The following FER variants were observed in gnomAD, a reference collection of about 807,000 sequenced individuals.
FER encodes the protein FER tyrosine kinase.
FER carries 63 observed loss-of-function variants against 111.0 expected under a neutral mutation model. That is an observed-to-expected ratio of 0.57 (90% CI 0.46 to 0.70). The LOEUF (loss-of-function observed/expected upper bound fraction) is 0.70, where lower values mean the gene tolerates loss of function less well. FER is among the 30% of genes least tolerant of loss of function. FER has a pLI of 0.00. For missense variants in FER, 914 were observed against 954.0 expected (o/e 0.96, Z 0.55); for synonymous variants, 327 against 313.9 (o/e 1.04, Z -0.44).
chr5:108,872,000 G>A (rs1764646785), intron 7 of FER, 93 bp from the exon 8 acceptor site: 4 of 1,252,050 alleles, frequency 3.2e-6, no homozygotes, highest in Admixed American at 3.0e-5. Flanking sequence ...ACATAATTTT[G>A]GATAAAAACA....
chr5:109,157,046 A>G (rs1283056116), intron 17 of FER, among the ~76,000 whole-genome samples: 1 of 152,104 alleles, frequency 6.6e-6, no homozygotes, highest in Non-Finnish European at 1.5e-5. Context: ...TATTTCTCCT[A>G]GGCCATAAAT....
Position 108,836,021 on chromosome 5 carries a change from C to A in FER, c.481+214C>A, listed in dbSNP as rs142880154. The A allele has an allele frequency of 9.1e-4, 251 of 274,584 alleles. 2 individuals are homozygous for A. The highest frequency in any genetic ancestry group is 5.4e-3 in the African/African-American group (242 of 44,660). 17.0% of individuals were successfully genotyped at this position (274,584 alleles called of 1,614,324 possible). A position where few individuals can be genotyped will look rare whatever the true frequency, so the allele number is the denominator to read the frequency against. On this transcript the variant is annotated intron_variant, in intron 5 of 19. Transcript: ENST00000281092. ...TCAAAGTATTTTCGAATAGTTCATA[C>A]TAAATGGAATTATGTAGCATGTGTA...
intron 5 of FER, among the ~76,000 whole-genome samples, chr5:108,857,862 G>T (rs1283199795): frequency 6.6e-6 from 1 of 152,094 alleles, no homozygotes; most frequent in Non-Finnish European, 1.5e-5. Context: ...CTTCAAACTG[G>T]CTCCTCTGTC....
Position 109,195,142 on chromosome 5 carries a change from C to T in FER, c.*7567C>T, listed in dbSNP as rs1759650758. On this transcript the variant is annotated 3_prime_UTR_variant, in exon 20 of 20. Coordinates refer to ENST00000281092, the MANE Select transcript of FER (RefSeq NM_005246.4). The stretch of plus-strand genomic sequence containing the variant: ...ACCTGGTAGAAATAAACTTGCCTGC[C>T]TGCTCTTAAATGCCAGACAGTTGGA... 6.6e-6 allele frequency: 1 copy of T among 152,180 alleles called. No homozygotes were observed. Among genetic ancestry groups the T allele is most frequent in the Admixed American group, 6.5e-5 (1 of 15,276 alleles). The allele number at this position is 152,180 out of a possible 1,614,324, so 9.4% of individuals were successfully genotyped here. A position where few individuals can be genotyped will look rare whatever the true frequency, so the allele number is the denominator to read the frequency against.
At chr5:108,782,042 C>G (rs576481553) in intron 2 of FER, among the ~76,000 whole-genome samples, 1 of 151,990 alleles carries the variant, frequency 6.6e-6, no homozygotes, top group East Asian at 1.9e-4. Context: ...TTTAAGTTTC[C>G]CACTTGTTGG....
intron 9 of FER, among the ~76,000 whole-genome samples, chr5:108,884,036 T>C (rs1398480797): frequency 2.0e-5 from 3 of 152,062 alleles, no homozygotes; most frequent in Non-Finnish European, 4.4e-5. Flanking sequence ...TGTGTTGGTA[T>C]ACTCTTCTTT....
At chr5:108,932,184 C>G (rs1561637939) in intron 10 of FER, among the ~76,000 whole-genome samples, 1 of 152,108 alleles carries the variant, frequency 6.6e-6, no homozygotes, top group East Asian at 1.9e-4. Context: ...CCCCTACCCC[C>G]TGACAGGCCC....
intron 3 of FER, among the ~76,000 whole-genome samples, chr5:108,825,512 T>C (rs1759372613): frequency 6.6e-6 from 1 of 152,170 alleles, no homozygotes; most frequent in African/African-American, 2.4e-5. Flanking sequence ...TCCTGTTCTT[T>C]TTTCAGGGTG....
chr5:109,149,009 G>A (rs540659023), intron 17 of FER, among the ~76,000 whole-genome samples: 1 of 152,176 alleles, frequency 6.6e-6, no homozygotes, highest in Non-Finnish European at 1.5e-5. Flanking sequence ...GCTAGCAATT[G>A]TCACATAACC....
chr5:108,913,682 T>G (rs1017083656), intron 10 of FER, among the ~76,000 whole-genome samples: 2 of 152,180 alleles, frequency 1.3e-5, no homozygotes, highest in African/African-American at 4.8e-5. Flanking sequence ...TACATACATA[T>G]GCTCTCAAAA....
chr5:108,798,399 A>C lies in FER; in HGVS notation c.207+10A>C. ...CAGCAACGTATCCAAGGTAAGAAGA[A>C]TAATTTCACTCTTTGTTATTTATAA... On this transcript the variant is annotated intron_variant, in intron 3 of 19. Coordinates refer to ENST00000281092, the MANE Select transcript of FER (RefSeq NM_005246.4). 3 of 1,589,374 alleles carry C rather than the reference A, an allele frequency of 1.9e-6. No homozygotes were observed. The highest frequency in any genetic ancestry group is 2.6e-6 in the Non-Finnish European group (3 of 1,159,748).
At chr5:108,953,383 T>A (rs1758014717) in intron 11 of FER, among the ~76,000 whole-genome samples, 2 of 151,992 alleles carry the variant, frequency 1.3e-5, no homozygotes, top group African/African-American at 2.4e-5. Flanking sequence ...AGACTTAGTT[T>A]ACCAAAACTT....
At chr5:109,008,658 T>A (rs1414114107) in intron 13 of FER, among the ~76,000 whole-genome samples, 1 of 152,212 alleles carries the variant, frequency 6.6e-6, no homozygotes, top group Admixed American at 6.5e-5. Flanking sequence ...TTACAGTCTT[T>A]TTCCTCAGCC....
At chr5:109,037,552 C>A in intron 14 of FER, 74 bp downstream of exon 14, 1 of 1,249,890 alleles carries the variant, frequency 8.0e-7, no homozygotes, top group Non-Finnish European at 1.2e-6. Flanking sequence ...TTTCATTTTC[C>A]TCAAAGCTTT....
chr5:109,002,454 C>T (rs1314587473), intron 13 of FER, among the ~76,000 whole-genome samples: 2 of 151,668 alleles, frequency 1.3e-5, no homozygotes, highest in African/African-American at 4.8e-5. Context: ...CTTCCTTATA[C>T]CTTATACAAA....
At chr5:108,820,931 G>A (rs1758775828) in intron 3 of FER, among the ~76,000 whole-genome samples, 1 of 152,130 alleles carries the variant, frequency 6.6e-6, no homozygotes, top group African/African-American at 2.4e-5. Flanking sequence ...GGCCAACATG[G>A]TGAAACCCTG....
rs558861100 is a variant in FER at position 108,966,385 on chromosome 5, T to G, written c.1656+7038T>G. Among the ~76,000 whole-genome samples, 62 of 141,182 alleles carry G rather than the reference T, an allele frequency of 4.4e-4. 1 individual carries two copies. Among genetic ancestry groups the G allele is most frequent in the African/African-American group, 1.5e-3 (57 of 37,450 alleles). The allele number at this position is 141,182 out of a possible 152,430, so 92.6% of individuals were successfully genotyped here. A position where few individuals can be genotyped will look rare whatever the true frequency, so the allele number is the denominator to read the frequency against. ...AGTATTTATTATACTTCCTTTTTCT[T>G]TTCTTTTTTTTTTTTTTTTTGAGAT... On this transcript the variant is annotated intron_variant, in intron 13 of 19. Coordinates refer to ENST00000281092, the MANE Select transcript of FER (RefSeq NM_005246.4).
In FER at chr5:108,854,238, A is replaced by G. The variant is rs572174256; in HGVS notation, c.482-13529A>G. 7.8e-4 allele frequency among the ~76,000 whole-genome samples: 119 copies of G among 152,334 alleles called. 1 individual carries two copies. The highest frequency in any genetic ancestry group is 2.6e-3 in the African/African-American group (109 of 41,572). On this transcript the variant is annotated intron_variant, in intron 5 of 19. Transcript: ENST00000281092. Reference sequence around the variant, plus strand: ...TAATTTAACATTGAACTCACAACCAATGGTGCTATAACTGATGGCTAAATG... The same window carrying G: ...TAATTTAACATTGAACTCACAACCAGTGGTGCTATAACTGATGGCTAAATG...
intron 16 of FER, among the ~76,000 whole-genome samples, chr5:109,056,140 G>A (rs983302977): frequency 2.6e-5 from 4 of 152,296 alleles, no homozygotes; most frequent in Admixed American, 2.6e-4. Flanking sequence ...GATTGGTACA[G>A]CCATTATGGC....
Sources: gnomAD v4.1 joint callset for allele counts (sites outside exome capture counted in the v4.1 genomes callset) on GRCh38, gnomAD v4.1.1 for gene constraint, MANE v1.5 for transcripts, NCBI Gene and HGNC (gene_info 2026-07-23, HGNC 2026-07-21) for gene names.